Variants in NOM1 observed in about 807,000 individuals in gnomAD.
NOM1 encodes nucleolar protein with MIF4G domain 1, also known as nucleolar MIF4G domain-containing protein 1.
In NOM1, 58 loss-of-function variants were observed where a neutral mutation model predicts 73.3. The observed-to-expected ratio is 0.79, with a 90% CI of 0.64 to 0.99. The LOEUF is 0.99. Among genes scored for constraint, NOM1 ranks in the 50% least tolerant of loss-of-function variants. The probability of loss-of-function intolerance (pLI) is 0.00; values close to 1 mark genes in which losing one functional copy is unlikely to be tolerated. For synonymous variants in NOM1, 487 were observed against 446.8 expected (o/e 1.09, Z -1.14); for missense variants, 1,226 against 1,131.9 (o/e 1.08, Z -1.19).
chr7:156,965,540 G>T (rs1200876031), intron 7 of NOM1, among the ~76,000 whole-genome samples: 2 of 152,308 alleles, frequency 1.3e-5, no homozygotes, highest in East Asian at 3.9e-4. Flanking sequence ...TGCCGGTGGT[G>T]ACCTGACCAT....
intron 4 of NOM1, among the ~76,000 whole-genome samples, chr7:156,961,336 G>A (rs911063900): frequency 1.3e-5 from 2 of 152,140 alleles, no homozygotes; most frequent in Admixed American, 6.5e-5. Context: ...GAATTGTGAC[G>A]GCGGTCCTGA....
At position 156,949,921 on chromosome 7, in the gene NOM1, C is replaced by G. The variant is rs144364133; in HGVS notation, c.184C>G (p.Pro62Ala). The G allele has an allele frequency of 1.3e-6, 2 of 1,542,366 alleles. No individual in the cohort carries two copies. The highest frequency in any genetic ancestry group is 1.7e-6 in the Non-Finnish European group (2 of 1,145,512). The change falls in exon 1 of 11, where the codon CCC (proline) becomes GCC (alanine). Residue 62 changes from proline (P) to alanine (A), a missense_variant. Pro to Ala is a conservative substitution (Grantham distance 27). Transcript: ENST00000275820. The stretch of plus-strand genomic sequence containing the variant: ...GCACGCGACTTCGGAAGGCGAGGCT[C>G]CCGGGGGTTGCGAGGGGCGCGGCGC... The part of the protein sequence containing the change: ...FVHATSEGEA[P>A]GGCEGRGAPV...
rs141070757 is a variant in NOM1 at position 156,969,132 on chromosome 7, C to T, written c.2344C>T (p.Arg782Ter). 8 of 1,599,620 alleles carry T rather than the reference C, an allele frequency of 5.0e-6. No homozygotes were observed. The African/African-American group carries it at 5.4e-5, about 11-fold the overall frequency. ...ELDKPRVRFLRKVLSILLMET... is the reference protein window; with the variant it reads ...ELDKPRVRFL ...GGACAAACCCAGAGTCCGTTTTTTA[C>T]GAAAAGTATTAAGTATCCTATTAAT... The change falls in exon 10 of 11, where the codon CGA becomes TGA. Residue 782 changes from arginine to a stop codon, truncating the protein, a stop_gained. Coordinates refer to ENST00000275820, the MANE Select transcript of NOM1 (RefSeq NM_138400.2). LOFTEE classifies it high-confidence loss of function.
chr7:156,960,271 T>A, intron 4 of NOM1, 97 bp downstream of exon 4: 1 of 989,516 alleles, frequency 1.0e-6, no homozygotes, highest in Non-Finnish European at 1.5e-6. Flanking sequence ...TTACACTTGC[T>A]TTCCTAGTGA....
chr7:156,957,774 C>CCAAAAA (rs1804761511), intron 3 of NOM1, among the ~76,000 whole-genome samples: 1 of 115,542 alleles, frequency 8.7e-6, no homozygotes, highest in Non-Finnish European at 1.7e-5. Context: ...GACTCCGTCT[C>CCAAAAA]AAAAAAAAAA....
chr7:156,962,069 G>A, intron 4 of NOM1, 82 bp from the exon 5 acceptor site: 1 of 1,084,476 alleles, frequency 9.2e-7, no homozygotes, highest in Non-Finnish European at 1.4e-6. Flanking sequence ...TGCATCAGGT[G>A]TGGTAGATTT....
Position 156,971,264 on chromosome 7 carries a change from T to C in NOM1, c.*1561T>C, listed in dbSNP as rs1239339322. ...AATAGACATTGAGAGGTTATATATGTCCAAAACTCATCTGTCCAGCAGTCA... is the reference window on the plus strand; with the variant it reads ...AATAGACATTGAGAGGTTATATATGCCCAAAACTCATCTGTCCAGCAGTCA... On this transcript the variant is annotated 3_prime_UTR_variant, in exon 11 of 11. Coordinates refer to ENST00000275820, the MANE Select transcript of NOM1 (RefSeq NM_138400.2). 1.3e-5 allele frequency: 2 copies of C among 152,234 alleles called. No individual in the cohort carries two copies. Among genetic ancestry groups the C allele is most frequent in the African/African-American group, 4.8e-5 (2 of 41,464 alleles). 9.4% of individuals were successfully genotyped at this position (152,234 alleles called of 1,614,324 possible).
intron 3 of NOM1, among the ~76,000 whole-genome samples, chr7:156,957,700 A>G (rs1199025131): frequency 6.9e-6 from 1 of 145,486 alleles, no homozygotes; most frequent in Non-Finnish European, 1.5e-5. Flanking sequence ...GCGTGAACCC[A>G]GCAGGCGGAG....
chr7:156,956,818 G>GGGTGCC (rs1804736652), intron 3 of NOM1, among the ~76,000 whole-genome samples: 1 of 152,208 alleles, frequency 6.6e-6, no homozygotes, highest in Non-Finnish European at 1.5e-5. Flanking sequence ...ATTACAAAGT[G>GGGTGCC]ATGGAATCAC....
At chr7:156,953,102 T>C (rs145668807) in intron 2 of NOM1, among the ~76,000 whole-genome samples, 5 of 150,926 alleles carry the variant, frequency 3.3e-5, no homozygotes, top group African/African-American at 1.2e-4. Flanking sequence ...GTGCATGTGA[T>C]TCTGTGTAGG....
At position 156,969,927 on chromosome 7, in the gene NOM1, G is replaced by T; in HGVS notation, c.*224G>T. On this transcript the variant is annotated 3_prime_UTR_variant, in exon 11 of 11. Transcript: ENST00000275820. ...TGAGAGGAGAAGGAGGGAGGGAAAAGGGGTCAGGCACACTGGACAGGGTTC... is the reference window on the plus strand; with the variant it reads ...TGAGAGGAGAAGGAGGGAGGGAAAATGGGTCAGGCACACTGGACAGGGTTC... 2.7e-6 allele frequency: 1 copy of T among 373,592 alleles called. No individual in the cohort carries two copies. Among genetic ancestry groups the T allele is most frequent in the Non-Finnish European group, 4.8e-6 (1 of 207,438 alleles). 23.1% of individuals were successfully genotyped at this position (373,592 alleles called of 1,614,324 possible). A position where few individuals can be genotyped will look rare whatever the true frequency, so the allele number is the denominator to read the frequency against.
In NOM1 at chr7:156,954,323, C is replaced by T. The variant is rs1348584964; in HGVS notation, c.1308+25C>T. On this transcript the variant is annotated intron_variant, in intron 3 of 10. Coordinates refer to ENST00000275820, the MANE Select transcript of NOM1 (RefSeq NM_138400.2). ...GGTACAGTTGTACCTTTTCTCCAGG[C>T]TGTCACTAGTGTCTCATGGTGATTA... 3.9e-6 allele frequency: 6 copies of T among 1,548,330 alleles called. No homozygotes were observed. In the African/African-American group the frequency reaches 6.9e-5, roughly 18 times the overall value.
At chr7:156,966,838 G>T in intron 8 of NOM1, 123 bp from the exon 9 acceptor site, 1 of 1,071,566 alleles carries the variant, frequency 9.3e-7, no homozygotes, top group Non-Finnish European at 1.3e-6. Flanking sequence ...ACCACTAAAA[G>T]TCTTGATGTT....
rs1197309755 is a variant in NOM1, at chr7:156,970,871, C to A, written c.*1168C>A. The A allele has an allele frequency of 1.3e-5, 2 of 151,170 alleles. No individual in the cohort carries two copies. Among genetic ancestry groups the A allele is most frequent in the African/African-American group, 4.9e-5 (2 of 41,056 alleles). 9.4% of individuals were successfully genotyped at this position (151,170 alleles called of 1,614,324 possible). On this transcript the variant is annotated 3_prime_UTR_variant, in exon 11 of 11. Transcript: ENST00000275820. ...ACAGTTGAGGATATTCATCTCCTCA[C>A]CAATTCCAGATTGTAAATGTACCAT...
At position 156,968,924 on chromosome 7, in the gene NOM1, G is replaced by A. The variant is rs1805072785; in HGVS notation, c.2299-163G>A. Reference sequence around the variant, plus strand: ...AGGAATTCCCAAGGCCCACATCCTTGCCAACAGGTGTTCATTTCTTAGCTC... The same window carrying A: ...AGGAATTCCCAAGGCCCACATCCTTACCAACAGGTGTTCATTTCTTAGCTC... On this transcript the variant is annotated intron_variant, in intron 9 of 10. Coordinates refer to ENST00000275820, the MANE Select transcript of NOM1 (RefSeq NM_138400.2). The A allele has an allele frequency of 3.0e-5, 17 of 571,376 alleles. 1 individual carries two copies. The South Asian group carries it at 3.1e-4, about 10-fold the overall frequency. The allele number at this position is 571,376 out of a possible 1,614,324, so 35.4% of individuals were successfully genotyped here.
rs749324849 is a variant in NOM1, at chr7:156,963,045, G to T, written c.1781G>T (p.Arg594Leu). 1.2e-6 allele frequency: 2 copies of T among 1,613,652 alleles called. No homozygotes were observed. Among genetic ancestry groups the T allele is most frequent in the East Asian group, 4.5e-5 (2 of 44,868 alleles). ...GGCTCAGGTTCTGAGACGCAGCTTC[G>T]CGTCTCCTGGGACAGTGTCTTGAGT... Reference protein sequence around the residue: ...NAGSGSETQLRVSWDSVLSAE... With the variant: ...NAGSGSETQLLVSWDSVLSAE... The change falls in exon 6 of 11, where the codon CGC (arginine) becomes CTC (leucine). Residue 594 changes from arginine (R) to leucine (L), a missense_variant. Arg to Leu is a moderately radical substitution (Grantham distance 102). Transcript: ENST00000275820.
chr7:156,969,813 T>G lies in NOM1; in HGVS notation c.*110T>G. The G allele has an allele frequency of 9.8e-7, 1 of 1,022,684 alleles. No individual in the cohort carries two copies. Among genetic ancestry groups the G allele is most frequent in the East Asian group, 2.7e-5 (1 of 36,868 alleles). The allele number at this position is 1,022,684 out of a possible 1,614,324, so 63.4% of individuals were successfully genotyped here. On this transcript the variant is annotated 3_prime_UTR_variant, in exon 11 of 11. Coordinates refer to ENST00000275820, the MANE Select transcript of NOM1 (RefSeq NM_138400.2). Reference sequence around the variant, plus strand: ...AATGTTTGGTAGAGCTATATCATTGTCTGTTAATGTATTATATTTTGAGAT... The same window carrying G: ...AATGTTTGGTAGAGCTATATCATTGGCTGTTAATGTATTATATTTTGAGAT...
Position 156,950,078 on chromosome 7 carries a change from G to A in NOM1, c.341G>A (p.Ser114Asn), listed in dbSNP as rs1362952388. Residue 114 changes from serine to asparagine, a missense_variant, in exon 1 of 11, where the codon AGC becomes AAC. Transcript: ENST00000275820. ...PEQGPGLGGRSGAEEASGHRQ... is the reference protein window; with the variant it reads ...PEQGPGLGGRNGAEEASGHRQ... ...CAGGGTCCCGGCCTGGGAGGCCGAA[G>A]CGGAGCCGAAGAAGCCAGCGGTCAC... The A allele has an allele frequency of 1.3e-6, 2 of 1,545,016 alleles. No individual in the cohort carries two copies. Among genetic ancestry groups the A allele is most frequent in the Non-Finnish European group, 1.7e-6 (2 of 1,147,438 alleles).
At chr7:156,963,299 T>C (rs1038823702) in intron 6 of NOM1, 124 bp downstream of exon 6, 27 of 924,150 alleles carry the variant, frequency 2.9e-5, no homozygotes, top group Non-Finnish European at 4.6e-5. Flanking sequence ...ACAAGGTTTA[T>C]CTGGAGGCCT....
Sources: gnomAD v4.1 joint callset for allele counts (sites outside exome capture counted in the v4.1 genomes callset) on GRCh38, gnomAD v4.1.1 for gene constraint, MANE v1.5 for transcripts, NCBI Gene and HGNC (gene_info 2026-07-23, HGNC 2026-07-21) for gene names.